Variants in KCNJ6 observed in about 807,000 individuals in gnomAD.
The protein encoded by KCNJ6 is G protein-activated inward rectifier potassium channel 2.
In KCNJ6, 9 loss-of-function variants were observed where a neutral mutation model predicts 34.2. The ratio of observed to expected loss-of-function variants is 0.26; its 90% CI spans 0.16 to 0.46. The LOEUF is 0.46. Among genes scored for constraint, KCNJ6 ranks in the 20% least tolerant of loss-of-function variants. The pLI is 1.00. For missense variants in KCNJ6, 236 were observed against 531.3 expected, an observed-to-expected ratio of 0.44 and a Z score of 5.46; for synonymous variants, 196 against 207.1, an observed-to-expected ratio of 0.95 and a Z score of 0.46.
At chr21:37,635,506 C>A (rs761127922) in intron 3 of KCNJ6, among the ~76,000 whole-genome samples, 1 of 151,538 alleles carries the variant, frequency 6.6e-6, no homozygotes, top group Non-Finnish European at 1.5e-5. Context: ...GTGTGAGCCA[C>A]CGCACCTGGC....
At chr21:37,768,528 C>CT (rs2055102018) in intron 2 of KCNJ6, among the ~76,000 whole-genome samples, 2 of 152,192 alleles carry the variant, frequency 1.3e-5, no homozygotes, top group Admixed American at 1.3e-4. Flanking sequence ...GAGGATGACA[C>CT]TGGATGTTCA....
intron 2 of KCNJ6, among the ~76,000 whole-genome samples, chr21:37,737,820 G>A (rs2054920890): frequency 1.3e-5 from 2 of 152,216 alleles, no homozygotes; most frequent in African/African-American, 2.4e-5. Flanking sequence ...GCCCCGTCTA[G>A]GAACCCAAAG....
At chr21:37,826,499 T>G (rs1030801648) in intron 2 of KCNJ6, among the ~76,000 whole-genome samples, 2 of 152,156 alleles carry the variant, frequency 1.3e-5, no homozygotes, top group African/African-American at 2.4e-5. Context: ...GTGTTTAACT[T>G]TTTATGTCAG....
chr21:37,618,047 A>C lies in KCNJ6; in HGVS notation c.*7112T>G, dbSNP rs1413311182. 1 of 152,272 alleles carries C rather than the reference A, an allele frequency of 6.6e-6. No homozygotes were observed. Among genetic ancestry groups the C allele is most frequent in the Admixed American group, 6.5e-5 (1 of 15,276 alleles). The allele number at this position is 152,272 out of a possible 1,614,324, so 9.4% of individuals were successfully genotyped here. A position where few individuals can be genotyped will look rare whatever the true frequency, so the allele number is the denominator to read the frequency against. On this transcript the variant is annotated 3_prime_UTR_variant, in exon 4 of 4. Coordinates refer to ENST00000609713, the MANE Select transcript of KCNJ6 (RefSeq NM_002240.5). ...CCTCAGTGGGTGGGCATGGCTGAGG[A>C]TTTTGTTCTGCCCAAGTCTGAGCTA... is the stretch of plus-strand genomic sequence containing the variant.
At chr21:37,633,693 C>A (rs1177747548) in intron 3 of KCNJ6, among the ~76,000 whole-genome samples, 1 of 151,464 alleles carries the variant, frequency 6.6e-6, no homozygotes, top group Non-Finnish European at 1.5e-5. Flanking sequence ...TAACAGCAAC[C>A]CTTCACCATT....
intron 2 of KCNJ6, among the ~76,000 whole-genome samples, chr21:37,745,981 G>A (rs1487133905): frequency 6.6e-6 from 1 of 152,196 alleles, no homozygotes; most frequent in Non-Finnish European, 1.5e-5. Context: ...GTGCCGGCCG[G>A]TTCTGTTCCT....
At chr21:37,699,098 A>G (rs998075755) in intron 3 of KCNJ6, among the ~76,000 whole-genome samples, 5 of 152,262 alleles carry the variant, frequency 3.3e-5, no homozygotes, top group African/African-American at 4.8e-5. Flanking sequence ...AATTTATGGC[A>G]GAGTTGAGCT....
chr21:37,681,779 C>A (rs1356048), intron 3 of KCNJ6, among the ~76,000 whole-genome samples: 58,016 of 96,768 alleles, frequency 0.6, 11,743 homozygotes, highest in Admixed American at 0.64. Flanking sequence ...GGAGAGAGGA[C>A]GAAGAGAGGA....
rs949890269 is a variant in KCNJ6 at position 37,610,823 on chromosome 21, T to G, written c.*14336A>C. On this transcript the variant is annotated 3_prime_UTR_variant, in exon 4 of 4. Transcript: ENST00000609713. ...AAATAAAAACATAGCTTATTATAAT[T>G]TGTGGGATGCAATAAAAACAATGCT... is the stretch of plus-strand genomic sequence containing the variant. The G allele has an allele frequency of 1.3e-5, 2 of 152,002 alleles. No individual in the cohort carries two copies. Among genetic ancestry groups the G allele is most frequent in the Admixed American group, 1.3e-4 (2 of 15,262 alleles). 9.4% of individuals were successfully genotyped at this position (152,002 alleles called of 1,614,324 possible).
chr21:37,901,735 G>T (rs1384936171), intron 1 of KCNJ6, among the ~76,000 whole-genome samples: 1 of 152,160 alleles, frequency 6.6e-6, no homozygotes, highest in Admixed American at 6.5e-5. Flanking sequence ...GATGATGTGG[G>T]TGCCCTGGGA....
chr21:37,623,976 C>G lies in KCNJ6; in HGVS notation c.*1183G>C, dbSNP rs538672475. On this transcript the variant is annotated 3_prime_UTR_variant, in exon 4 of 4. Coordinates refer to ENST00000609713, the MANE Select transcript of KCNJ6 (RefSeq NM_002240.5). ...TGAATTTCACGGCTTTAGACCCAAA[C>G]CATCTTCTGCTAACTTACCATGTCT... 1.0e-3 allele frequency: 158 copies of G among 152,328 alleles called. No individual in the cohort carries two copies. Among genetic ancestry groups the G allele is most frequent in the African/African-American group, 3.5e-3 (145 of 41,578 alleles). The allele number at this position is 152,328 out of a possible 1,614,324, so 9.4% of individuals were successfully genotyped here. A position where few individuals can be genotyped will look rare whatever the true frequency, so the allele number is the denominator to read the frequency against.
chr21:37,643,854 C>G (rs1292315254), intron 3 of KCNJ6, among the ~76,000 whole-genome samples: 1 of 152,154 alleles, frequency 6.6e-6, no homozygotes, highest in Admixed American at 6.5e-5. Flanking sequence ...TATCAATCGA[C>G]CCAGCAGTCC....
chr21:37,809,458 T>C (rs1276898009), intron 2 of KCNJ6, among the ~76,000 whole-genome samples: 3 of 151,864 alleles, frequency 2.0e-5, no homozygotes, highest in Admixed American at 6.6e-5. Flanking sequence ...CACACCAACA[T>C]GGCACATGTA....
chr21:37,734,611 T>C (rs1359662325), intron 2 of KCNJ6, among the ~76,000 whole-genome samples: 1 of 152,172 alleles, frequency 6.6e-6, no homozygotes, highest in Non-Finnish European at 1.5e-5. Context: ...TCAGCTGTCA[T>C]GAGCTGATAC....
chr21:37,747,794 T>C (rs1412877987), intron 2 of KCNJ6, among the ~76,000 whole-genome samples: 1 of 152,212 alleles, frequency 6.6e-6, no homozygotes, highest in Non-Finnish European at 1.5e-5. Flanking sequence ...GCAGCAGTAA[T>C]GCAGTCCTGC....
intron 2 of KCNJ6, among the ~76,000 whole-genome samples, chr21:37,804,281 C>T (rs934370697): frequency 6.6e-6 from 1 of 152,158 alleles, no homozygotes; most frequent in African/African-American, 2.4e-5. Context: ...TTGGCAGTTC[C>T]TCAAAAGGTT....
At chr21:37,783,846 C>T (rs188426781) in intron 2 of KCNJ6, among the ~76,000 whole-genome samples, 1 of 152,216 alleles carries the variant, frequency 6.6e-6, no homozygotes, top group African/African-American at 2.4e-5. Flanking sequence ...TAAGAGACAC[C>T]AGACAACTCT....
intron 2 of KCNJ6, among the ~76,000 whole-genome samples, chr21:37,784,253 G>C (rs936796894): frequency 6.6e-6 from 1 of 152,134 alleles, no homozygotes; most frequent in African/African-American, 2.4e-5. Context: ...CACGAGTCTT[G>C]CTGGCTTTTT....
intron 3 of KCNJ6, among the ~76,000 whole-genome samples, chr21:37,673,255 G>A (rs2054550096): frequency 6.6e-6 from 1 of 152,258 alleles, no homozygotes; most frequent in Admixed American, 6.5e-5. Context: ...CCCAGGGGCA[G>A]CCTGCTGGAG....
Sources: gnomAD v4.1 joint callset for allele counts (sites outside exome capture counted in the v4.1 genomes callset) on GRCh38, gnomAD v4.1.1 for gene constraint, MANE v1.5 for transcripts, NCBI Gene and HGNC (gene_info 2026-07-23, HGNC 2026-07-21) for gene names.